FOXN2: variants seen among roughly 807,000 people sequenced by gnomAD.
The protein encoded by FOXN2 is forkhead box protein N2.
FOXN2 carries 19 observed loss-of-function variants against 41.2 expected under a neutral mutation model. The observed-to-expected ratio is 0.46, with a 90% CI of 0.32 to 0.68. The LOEUF is 0.68. Ranked by LOEUF, FOXN2 falls within the 30% of genes least tolerant of loss-of-function variation. The pLI is 0.03. For missense variants in FOXN2, 587 were observed against 509.4 expected, an observed-to-expected ratio of 1.15 and a Z score of -1.47; for synonymous variants, 195 against 176.8, an observed-to-expected ratio of 1.10 and a Z score of -0.82.
At chr2:48,332,034 G>A (rs1670050953) in intron 2 of FOXN2, among the ~76,000 whole-genome samples, 1 of 152,028 alleles carries the variant, frequency 6.6e-6, no homozygotes, top group Admixed American at 6.6e-5. Flanking sequence ...ATTATTTTGA[G>A]TATTTTAACT....
At chr2:48,326,536 T>C (rs1669686523) in intron 1 of FOXN2, among the ~76,000 whole-genome samples, 1 of 152,208 alleles carries the variant, frequency 6.6e-6, no homozygotes, top group African/African-American at 2.4e-5. Flanking sequence ...AGGAAGATAC[T>C]GTAGGAGCTA....
At chr2:48,368,416 C>T (rs929326486) in intron 5 of FOXN2, among the ~76,000 whole-genome samples, 1 of 152,040 alleles carries the variant, frequency 6.6e-6, no homozygotes, top group South Asian at 2.1e-4. Flanking sequence ...GGTTCATGCT[C>T]GTAATCCCAG....
At chr2:48,344,779 G>A (rs549529156) in intron 2 of FOXN2, among the ~76,000 whole-genome samples, 2 of 151,044 alleles carry the variant, frequency 1.3e-5, no homozygotes, top group South Asian at 4.2e-4. Flanking sequence ...AAATTAGCCG[G>A]TTTTCAGAAT....
At chr2:48,361,878 A>G (rs1448856201) in intron 4 of FOXN2, among the ~76,000 whole-genome samples, 1 of 152,218 alleles carries the variant, frequency 6.6e-6, no homozygotes, top group Non-Finnish European at 1.5e-5. Flanking sequence ...ATCACTACCA[A>G]GTGTTCCTTA....
At chr2:48,361,568 T>G (rs965147046) in intron 4 of FOXN2, among the ~76,000 whole-genome samples, 1 of 152,306 alleles carries the variant, frequency 6.6e-6, no homozygotes, top group Admixed American at 6.5e-5. Flanking sequence ...TTTATGTTGT[T>G]TGGCAAAATA....
chr2:48,358,076 G>A (rs1671925901), intron 3 of FOXN2, among the ~76,000 whole-genome samples: 1 of 151,752 alleles, frequency 6.6e-6, no homozygotes, highest in South Asian at 2.1e-4. Context: ...CCTTTTCACA[G>A]GCAAAAGGTT....
At chr2:48,319,321 A>G (rs1055694733) in intron 1 of FOXN2, among the ~76,000 whole-genome samples, 1 of 152,090 alleles carries the variant, frequency 6.6e-6, no homozygotes, top group Non-Finnish European at 1.5e-5. Flanking sequence ...GTGATAATAA[A>G]CGTTTTTGGA....
intron 1 of FOXN2, among the ~76,000 whole-genome samples, chr2:48,321,187 T>C (rs1036932079): frequency 6.6e-6 from 1 of 152,164 alleles, no homozygotes; most frequent in Non-Finnish European, 1.5e-5. Flanking sequence ...TCTAGTGTAG[T>C]ATTTCTTAAA....
In FOXN2 at chr2:48,332,220, A is replaced by T. The variant is rs529143415; in HGVS notation, c.-15+3518A>T. 1.8e-4 allele frequency among the ~76,000 whole-genome samples: 27 copies of T among 152,278 alleles called. No homozygotes were observed. The South Asian group carries it at 3.1e-3, about 18-fold the overall frequency. On this transcript the variant is annotated intron_variant, in intron 2 of 6. Transcript: ENST00000340553. ...GAAAACTCATGATTATTTCAGAGGT[A>T]GTATAGTTATTTTTATTGTTTATAA...
chr2:48,330,533 G>A (rs1024533099), intron 2 of FOXN2, among the ~76,000 whole-genome samples: 4 of 152,038 alleles, frequency 2.6e-5, no homozygotes, highest in Non-Finnish European at 1.5e-5. Flanking sequence ...GGTTATCTTA[G>A]CCTCAGTCAA....
At chr2:48,368,913 A>G (rs1672706911) in intron 5 of FOXN2, among the ~76,000 whole-genome samples, 1 of 152,208 alleles carries the variant, frequency 6.6e-6, no homozygotes, top group South Asian at 2.1e-4. Context: ...TTGGCAAGGC[A>G]TTGCAGGAAG....
intron 3 of FOXN2, among the ~76,000 whole-genome samples, chr2:48,352,978 C>G (rs1671551470): frequency 1.3e-5 from 2 of 152,044 alleles, no homozygotes; most frequent in Admixed American, 6.5e-5. Flanking sequence ...TTCAGGTCTT[C>G]CCCTCATTTC....
chr2:48,320,227 C>G (rs1471536296), intron 1 of FOXN2, among the ~76,000 whole-genome samples: 1 of 152,062 alleles, frequency 6.6e-6, no homozygotes, highest in Non-Finnish European at 1.5e-5. Context: ...ATAGCAACAA[C>G]TGCAGTCTTT....
intron 3 of FOXN2, among the ~76,000 whole-genome samples, chr2:48,354,737 T>C (rs11685861): frequency 0.43 from 65,190 of 152,118 alleles, 14,124 homozygotes; most frequent in Non-Finnish European, 0.47. Flanking sequence ...TCATATAATT[T>C]AATAAGAAAA....
intron 3 of FOXN2, among the ~76,000 whole-genome samples, chr2:48,350,103 C>G (rs1339421987): frequency 6.6e-6 from 1 of 152,224 alleles, no homozygotes; most frequent in Non-Finnish European, 1.5e-5. Flanking sequence ...AAGATTTAGG[C>G]AAAGATAGAC....
chr2:48,347,566 G>A (rs2104383152), intron 3 of FOXN2, among the ~76,000 whole-genome samples: 1 of 140,440 alleles, frequency 7.1e-6, no homozygotes, highest in East Asian at 2.4e-4. Context: ...TGTGTTTTAT[G>A]CTTCAATTTT....
chr2:48,336,202 A>T (rs9309152), intron 2 of FOXN2, among the ~76,000 whole-genome samples: 121 of 151,510 alleles, frequency 8.0e-4, no homozygotes, highest in African/African-American at 2.8e-3. Context: ...TCAGGAGTTC[A>T]AGACCAGCCT....
intron 1 of FOXN2, among the ~76,000 whole-genome samples, chr2:48,315,622 A>C (rs1023895981): frequency 1.3e-5 from 2 of 152,166 alleles, no homozygotes; most frequent in Admixed American, 1.3e-4. Flanking sequence ...AGTTTGCCCC[A>C]CTGCAGCAGC....
At chr2:48,347,035 C>G (rs893363685) in intron 3 of FOXN2, among the ~76,000 whole-genome samples, 1 of 152,040 alleles carries the variant, frequency 6.6e-6, no homozygotes, top group African/African-American at 2.4e-5. Flanking sequence ...TAACTATCAG[C>G]ATTTGATTCT....
Sources: gnomAD v4.1 joint callset for allele counts (sites outside exome capture counted in the v4.1 genomes callset) on GRCh38, gnomAD v4.1.1 for gene constraint, MANE v1.5 for transcripts, NCBI Gene and HGNC (gene_info 2026-07-23, HGNC 2026-07-21) for gene names.